LRRC49: variants seen among roughly 807,000 people sequenced by gnomAD.
The protein encoded by LRRC49 is leucine-rich repeat-containing protein 49.
LRRC49 carries 50 observed loss-of-function variants against 83.3 expected under a neutral mutation model. That is an observed-to-expected ratio of 0.60 (90% confidence interval 0.48 to 0.76). The LOEUF (loss-of-function observed/expected upper bound fraction) is 0.76. Among genes scored for constraint, LRRC49 ranks in the 30% least tolerant of loss-of-function variants. The pLI, the probability that LRRC49 is intolerant of heterozygous loss-of-function variation, is 0.00. For missense variants in LRRC49, 704 were observed against 809.1 expected (o/e 0.87, Z 1.58); for synonymous variants, 286 against 283.3 (o/e 1.01, Z -0.10).
rs542354995 is a variant in LRRC49, at chr15:71,012,636, A to C, written c.1594-168A>C. Among the ~76,000 whole-genome samples, 11 of 152,298 alleles carry C rather than the reference A, an allele frequency of 7.2e-5. No individual in the cohort carries two copies. The East Asian group carries it at 2.1e-3, about 29-fold the overall frequency. On this transcript the variant is annotated intron_variant, in intron 13 of 15. Transcript: ENST00000260382. ...CAATTATACGTCTTCATTTTAACTC[A>C]AGAAAGAAAAATATCAATGAAAACT... is the stretch of plus-strand genomic sequence containing the variant.
At chr15:70,895,215 T>C (rs1047945846) in intron 2 of LRRC49, among the ~76,000 whole-genome samples, 1 of 152,192 alleles carries the variant, frequency 6.6e-6, no homozygotes, top group Non-Finnish European at 1.5e-5. Flanking sequence ...GAAGTTGTTC[T>C]GGTTTTGTTT....
intron 6 of LRRC49, among the ~76,000 whole-genome samples, chr15:70,915,815 T>G (rs974273703): frequency 3.1e-4 from 47 of 152,310 alleles, no homozygotes; most frequent in African/African-American, 9.9e-4. Context: ...ATCAAAAATC[T>G]TAAAACACAT....
chr15:70,981,107 A>G (rs896879498), intron 10 of LRRC49, among the ~76,000 whole-genome samples: 1 of 152,114 alleles, frequency 6.6e-6, no homozygotes, highest in African/African-American at 2.4e-5. Flanking sequence ...GAATCAGGAG[A>G]CCCAGGTTCT....
rs186227514 is a variant in LRRC49 at position 71,002,854 on chromosome 15, G to T, written c.1170-5525G>T. Among the ~76,000 whole-genome samples the T allele has an allele frequency of 1.4e-3, 211 of 149,056 alleles. 1 individual carries two copies. Among genetic ancestry groups the T allele is most frequent in the African/African-American group, 5.1e-3 (207 of 40,568 alleles). On this transcript the variant is annotated intron_variant, in intron 11 of 15. Coordinates refer to ENST00000260382, the MANE Select transcript of LRRC49 (RefSeq NM_017691.5). ...AAGAGTATGTTCTACATTTAGCTGG[G>T]CTTTCAGAGTCATTATTGCATTGAG... is the stretch of plus-strand genomic sequence containing the variant.
At chr15:70,881,302 A>T (rs978556471) in intron 2 of LRRC49, 3 of 152,194 alleles carry the variant, frequency 2.0e-5, no homozygotes, top group African/African-American at 7.2e-5. Context: ...AAGTAATAAT[A>T]ATGCTATGTT....
intron 8 of LRRC49, among the ~76,000 whole-genome samples, chr15:70,948,495 G>T (rs1431861267): frequency 7.8e-5 from 11 of 140,742 alleles, no homozygotes; most frequent in Non-Finnish European, 1.1e-4. Context: ...CATTAGCAAA[G>T]TTTTTTTTTT....
At chr15:70,864,999 C>T (rs1443575775) in intron 1 of LRRC49, among the ~76,000 whole-genome samples, 1 of 152,152 alleles carries the variant, frequency 6.6e-6, no homozygotes, top group East Asian at 1.9e-4. Flanking sequence ...GAGTCAACAC[C>T]ACCAGCACAG....
chr15:71,041,452 A>G (rs2039697116), intron 15 of LRRC49, among the ~76,000 whole-genome samples: 1 of 152,220 alleles, frequency 6.6e-6, no homozygotes, highest in South Asian at 2.1e-4. Context: ...ATATAGCAGA[A>G]GTCAACAGCT....
intron 11 of LRRC49, among the ~76,000 whole-genome samples, chr15:70,984,873 C>T (rs1469478725): frequency 2.5e-4 from 38 of 149,144 alleles, no homozygotes; most frequent in Non-Finnish European, 4.4e-4. Context: ...AGTGAGAATA[C>T]GCGGTGTTTG....
chr15:70,892,727 G>A (rs1567038825), upstream of LRRC49: 3 of 1,493,222 alleles, frequency 2.0e-6, no homozygotes, highest in South Asian at 1.3e-5. Context: ...AAGCTGCAAC[G>A]ACTGTGTGGC....
chr15:71,016,690 C>T (rs956784798), intron 14 of LRRC49, among the ~76,000 whole-genome samples: 2 of 151,900 alleles, frequency 1.3e-5, no homozygotes. Context: ...ATTAATATTT[C>T]TTCATACCAA....
At chr15:71,002,350 C>T (rs1332845607) in intron 11 of LRRC49, among the ~76,000 whole-genome samples, 4 of 152,030 alleles carry the variant, frequency 2.6e-5, no homozygotes, top group Admixed American at 1.3e-4. Context: ...AAACAAGTCT[C>T]TATGAAAAAA....
At chr15:70,871,604 T>C (rs370088615) in intron 1 of LRRC49, among the ~76,000 whole-genome samples, 2 of 148,346 alleles carry the variant, frequency 1.3e-5, no homozygotes, top group East Asian at 4.1e-4. Context: ...CTGGACGGGG[T>C]GGCTGCCGGG....
intron 1 of LRRC49, 144 bp downstream of exon 1, chr15:70,893,086 G>T: frequency 1.1e-6 from 1 of 900,240 alleles, no homozygotes. Flanking sequence ...TGAGGTTCGT[G>T]GGCTGGACCA....
chr15:70,892,148 G>A (rs775111098), upstream of LRRC49: 2 of 1,613,332 alleles, frequency 1.2e-6, no homozygotes, highest in Admixed American at 3.3e-5. Flanking sequence ...GTACCAGTCG[G>A]CGCGGCAACC....
chr15:70,883,622 C>T (rs1278205778), intron 2 of LRRC49, among the ~76,000 whole-genome samples: 2 of 151,454 alleles, frequency 1.3e-5, no homozygotes, highest in African/African-American at 4.9e-5. Context: ...TAATACTTTC[C>T]TGAGAAAAAC....
chr15:71,008,455 G>T lies in LRRC49; in HGVS notation c.1246G>T (p.Asp416Tyr), dbSNP rs1453231764. The part of the protein sequence containing the change: ...IDTYLVEVDG[D>Y]TLSLYGSGAL... ...CACATACCTTGTTGAAGTGGACGGG[G>T]ATACACTTTCCCTATATGGCTCAGG... The change falls in exon 12 of 16, where the codon GAT (aspartate) becomes TAT (tyrosine). Residue 416 changes from aspartate to tyrosine, a missense_variant. Transcript: ENST00000260382. The T allele has an allele frequency of 1.9e-6, 3 of 1,612,770 alleles. No individual in the cohort carries two copies. The highest frequency in any genetic ancestry group is 3.3e-5 in the Admixed American group (2 of 59,892).
At chr15:70,989,441 T>C (rs2037772230) in intron 11 of LRRC49, among the ~76,000 whole-genome samples, 1 of 152,246 alleles carries the variant, frequency 6.6e-6, no homozygotes, top group Admixed American at 6.5e-5. Flanking sequence ...CTGAGGCTTC[T>C]GCATTCTTCA....
intron 2 of LRRC49, among the ~76,000 whole-genome samples, chr15:70,880,955 G>A (rs560952777): frequency 1.4e-4 from 21 of 152,338 alleles, no homozygotes; most frequent in Admixed American, 1.2e-3. Flanking sequence ...CAGGTCCAGT[G>A]ACTCATGCCT....
Sources: allele counts gnomAD v4.1 joint callset (sites outside exome capture counted in the v4.1 genomes callset), GRCh38; gene constraint gnomAD v4.1.1; transcripts MANE v1.5; gene names NCBI Gene and HGNC (gene_info 2026-07-23, HGNC 2026-07-21).